The following NYAP2 variants were observed in gnomAD, a reference collection of about 807,000 sequenced individuals.
NYAP2 encodes the protein neuronal tyrosine-phosphorylated phosphoinositide-3-kinase adapter 2.
NYAP2 carries 23 observed loss-of-function variants against 50.4 expected under a neutral mutation model. The observed-to-expected ratio is 0.46, with a 90% confidence interval of 0.33 to 0.65. NYAP2 has a LOEUF of 0.65. Among genes scored for constraint, NYAP2 ranks in the 30% least tolerant of loss-of-function variants. The pLI, the probability that NYAP2 is intolerant of heterozygous loss-of-function variation, is 0.02. For missense variants in NYAP2, 885 were observed against 861.0 expected, an observed-to-expected ratio of 1.03 and a Z score of -0.35; for synonymous variants, 394 against 365.2, an observed-to-expected ratio of 1.08 and a Z score of -0.90.
chr2:225,423,422 G>C (rs1695244017), intron 3 of NYAP2, among the ~76,000 whole-genome samples: 1 of 152,178 alleles, frequency 6.6e-6, no homozygotes, highest in Non-Finnish European at 1.5e-5. Context: ...ATCTTGGTTT[G>C]AGACAGACTG....
chr2:225,479,651 T>G (rs1173333657), intron 3 of NYAP2, among the ~76,000 whole-genome samples: 1 of 152,022 alleles, frequency 6.6e-6, no homozygotes, highest in African/African-American at 2.4e-5. Context: ...TACCATAGTT[T>G]TTTTTTTTAA....
chr2:225,459,583 C>G (rs2106152911), intron 3 of NYAP2, among the ~76,000 whole-genome samples: 1 of 152,106 alleles, frequency 6.6e-6, no homozygotes, highest in South Asian at 2.1e-4. Flanking sequence ...ACAACAGAAG[C>G]TTTGATTAAT....
Position 225,582,392 on chromosome 2 carries a change from C to T in NYAP2, c.975C>T (p.Pro325=), listed in dbSNP as rs777655197. ...GGCTGCTTTGCGACATCCCTCCGCC[C>T]TTCCCCAACCTGCTTTCTCACAGAC... The change falls in exon 5 of 7, where the codon CCC becomes CCT. Residue 325 remains proline (P), a synonymous_variant. Coordinates refer to ENST00000636099, the Ensembl canonical transcript of NYAP2. The surrounding 1 kb of genome is among the most constrained non-coding windows in gnomAD (Gnocchi z 7.0). 5 of 1,607,960 alleles carry T rather than the reference C, an allele frequency of 3.1e-6. No individual in the cohort carries two copies. In the Admixed American group the frequency reaches 8.4e-5, roughly 27 times the overall value.
intron 6 of NYAP2, among the ~76,000 whole-genome samples, chr2:225,649,660 G>A (rs1439117826): frequency 6.6e-6 from 1 of 152,198 alleles, no homozygotes; most frequent in African/African-American, 2.4e-5. Flanking sequence ...ATAAGCCATT[G>A]TGCCTGGCCC....
chr2:225,640,489 T>C (rs917590571), intron 6 of NYAP2, among the ~76,000 whole-genome samples: 6 of 152,208 alleles, frequency 3.9e-5, no homozygotes, highest in Non-Finnish European at 8.8e-5. Flanking sequence ...CTCAGTTGGT[T>C]TTATACAGCA....
intron 3 of NYAP2, among the ~76,000 whole-genome samples, chr2:225,452,859 C>T (rs1392815386): frequency 6.6e-6 from 1 of 152,186 alleles, no homozygotes; most frequent in East Asian, 1.9e-4. Context: ...TGGCTAAAAT[C>T]TACTTGTTAG....
At chr2:225,694,666 A>C in the NYAP2 span, among the ~76,000 whole-genome samples, 1 of 151,874 alleles carries the variant, frequency 6.6e-6, no homozygotes, top group African/African-American at 2.4e-5. Flanking sequence ...CTTAACAGAA[A>C]TATTTTGGGG....
At chr2:225,417,481 A>G (rs1020514780) in intron 3 of NYAP2, among the ~76,000 whole-genome samples, 20 of 152,162 alleles carry the variant, frequency 1.3e-4, no homozygotes, top group Admixed American at 1.2e-3. Flanking sequence ...TCATGTCCAT[A>G]CTGGAATGTA....
At chr2:225,459,918 C>T (rs1559185735) in intron 3 of NYAP2, among the ~76,000 whole-genome samples, 1 of 152,106 alleles carries the variant, frequency 6.6e-6, no homozygotes, top group Non-Finnish European at 1.5e-5. Context: ...GTGATCTGCC[C>T]ACCTCGGCCT....
intron 3 of NYAP2, among the ~76,000 whole-genome samples, chr2:225,422,178 G>A (rs1695226809): frequency 6.6e-6 from 1 of 152,134 alleles, no homozygotes; most frequent in Non-Finnish European, 1.5e-5. Flanking sequence ...TTCAAAACAT[G>A]GTACATGGTT....
chr2:225,638,189 T>TGTGTGG (rs1693457998), intron 6 of NYAP2, among the ~76,000 whole-genome samples: 1 of 149,132 alleles, frequency 6.7e-6, no homozygotes, highest in Non-Finnish European at 1.5e-5. Flanking sequence ...TGTGTGTGTG[T>TGTGTGG]GTGGTGTGGG....
chr2:225,411,390 G>T (rs988185971), intron 3 of NYAP2, among the ~76,000 whole-genome samples: 3 of 152,120 alleles, frequency 2.0e-5, no homozygotes, highest in African/African-American at 7.2e-5. Context: ...AAGACTAAAA[G>T]GGGAGCAGGT....
chr2:225,465,544 G>A (rs1033238722), intron 3 of NYAP2, among the ~76,000 whole-genome samples: 10 of 151,984 alleles, frequency 6.6e-5, no homozygotes, highest in East Asian at 1.9e-4. Context: ...GTGAAACCCC[G>A]TCTCTACTAA....
intron 6 of NYAP2, among the ~76,000 whole-genome samples, chr2:225,628,976 G>C (rs1312895561): frequency 6.6e-6 from 1 of 152,118 alleles, no homozygotes; most frequent in Non-Finnish European, 1.5e-5. Context: ...GGATTCTCTA[G>C]AGAAACAGAA....
At chr2:225,639,678 T>C (rs1370056189) in intron 6 of NYAP2, among the ~76,000 whole-genome samples, 1 of 152,216 alleles carries the variant, frequency 6.6e-6, no homozygotes, top group East Asian at 1.9e-4. Context: ...CATTCGCTTA[T>C]TCTTTCATTT....
At chr2:225,471,897 C>T (rs575856775) in intron 3 of NYAP2, among the ~76,000 whole-genome samples, 1 of 152,260 alleles carries the variant, frequency 6.6e-6, no homozygotes, top group African/African-American at 2.4e-5. Context: ...ACCTATCAGA[C>T]ATCACAAAGC....
the NYAP2 span, among the ~76,000 whole-genome samples, chr2:225,667,798 A>T: frequency 6.6e-6 from 1 of 152,208 alleles, no homozygotes; most frequent in South Asian, 2.1e-4. Context: ...CTTAATAGAG[A>T]TACCTTAATA....
chr2:225,518,558 A>G (rs1416153571), intron 4 of NYAP2, among the ~76,000 whole-genome samples: 3 of 75,394 alleles, frequency 4.0e-5, no homozygotes, highest in Non-Finnish European at 7.3e-5. Context: ...ATATATATAT[A>G]TATATATATA....
At chr2:225,662,658 G>A in the NYAP2 span, among the ~76,000 whole-genome samples, 3 of 152,248 alleles carry the variant, frequency 2.0e-5, no homozygotes, top group Admixed American at 6.5e-5. Context: ...CATTTGGAAT[G>A]CTGCATTTAA....
Sources: gnomAD v4.1 joint callset for allele counts (sites outside exome capture counted in the v4.1 genomes callset) on GRCh38, gnomAD v4.1.1 for gene constraint, Gnocchi (gnomAD v3.1) non-coding constraint, MANE v1.5 for transcripts, NCBI Gene and HGNC (gene_info 2026-07-23, HGNC 2026-07-21) for gene names.